Variants in FHOD3 observed in about 807,000 individuals in gnomAD.
FHOD3 encodes the protein formin homology 2 domain containing 3, also known as FH1/FH2 domain-containing protein 3.
Under a neutral mutation model 173.0 loss-of-function variants are expected in FHOD3, and 90 were observed. The observed-to-expected ratio is 0.52, with a 90% CI of 0.44 to 0.62. The LOEUF (loss-of-function observed/expected upper bound fraction) is 0.62. Ranked by LOEUF, FHOD3 falls within the 20% of genes least tolerant of loss-of-function variation. The pLI, the probability that FHOD3 is intolerant of heterozygous loss-of-function variation, is 0.00. For missense variants in FHOD3, 1,945 were observed against 2,034.7 expected (o/e 0.96, Z 0.85); for synonymous variants, 828 against 823.0 (o/e 1.01, Z -0.10).
chr18:36,468,169 G>T (rs1403545847), intron 3 of FHOD3, among the ~76,000 whole-genome samples: 1 of 152,196 alleles, frequency 6.6e-6, no homozygotes, highest in African/African-American at 2.4e-5. Flanking sequence ...TGGCAGCCAG[G>T]TGCATCCCCA....
At chr18:36,639,964 G>T (rs144915642) in intron 10 of FHOD3, among the ~76,000 whole-genome samples, 18 of 152,156 alleles carry the variant, frequency 1.2e-4, no homozygotes, top group African/African-American at 3.6e-4. Context: ...GTTGATGTTT[G>T]TACTCTGCAG....
intron 17 of FHOD3, among the ~76,000 whole-genome samples, chr18:36,703,245 C>T (rs774175827): frequency 5.3e-5 from 8 of 152,176 alleles, no homozygotes; most frequent in Non-Finnish European, 8.8e-5. Context: ...TAAGGCCCTA[C>T]GTGAAGGAAG....
chr18:36,704,885 T>C (rs1158228448), intron 17 of FHOD3, among the ~76,000 whole-genome samples: 1 of 152,248 alleles, frequency 6.6e-6, no homozygotes, highest in Non-Finnish European at 1.5e-5. Flanking sequence ...AACCTCCTGC[T>C]GTTCAGAGTC....
chr18:36,452,149 T>C (rs1427927679), intron 3 of FHOD3, among the ~76,000 whole-genome samples: 2 of 152,098 alleles, frequency 1.3e-5, no homozygotes, highest in Admixed American at 1.3e-4. Context: ...TGAGGGTGCG[T>C]CTTGGCATTT....
At chr18:36,363,597 A>T (rs188588194) in intron 2 of FHOD3, among the ~76,000 whole-genome samples, 2 of 152,288 alleles carry the variant, frequency 1.3e-5, no homozygotes, top group East Asian at 3.9e-4. Flanking sequence ...GCAAAAAGCT[A>T]TGGAGACAGT....
chr18:36,668,045 A>G (rs2037297765), intron 14 of FHOD3, among the ~76,000 whole-genome samples: 1 of 151,944 alleles, frequency 6.6e-6, no homozygotes, highest in Non-Finnish European at 1.5e-5. Context: ...GGGGAAACAT[A>G]CTCCTTCCTC....
intron 3 of FHOD3, among the ~76,000 whole-genome samples, chr18:36,381,003 T>C (rs999621639): frequency 2.6e-5 from 4 of 152,156 alleles, no homozygotes; most frequent in African/African-American, 9.6e-5. Flanking sequence ...CTGGAGTCTT[T>C]CGATTCCCTG....
intron 3 of FHOD3, among the ~76,000 whole-genome samples, chr18:36,439,483 T>A (rs2051002234): frequency 6.6e-6 from 1 of 152,042 alleles, no homozygotes; most frequent in African/African-American, 2.4e-5. Context: ...CATGTGACTG[T>A]ATTAGTCAGG....
chr18:36,390,120 G>T (rs560434999), intron 3 of FHOD3, among the ~76,000 whole-genome samples: 1 of 152,124 alleles, frequency 6.6e-6, no homozygotes, highest in Non-Finnish European at 1.5e-5. Context: ...ACTGGGCTCC[G>T]GCATTGAGGC....
chr18:36,409,340 G>A (rs572102395), intron 3 of FHOD3, among the ~76,000 whole-genome samples: 4 of 152,260 alleles, frequency 2.6e-5, no homozygotes, highest in East Asian at 3.9e-4. Context: ...TCGAGGCAGC[G>A]GAAGCTCTTC....
chr18:36,712,657 C>T (rs1480203005), intron 18 of FHOD3, among the ~76,000 whole-genome samples: 3 of 152,022 alleles, frequency 2.0e-5, no homozygotes, highest in Admixed American at 6.6e-5. Context: ...GCCAATTCAT[C>T]GGAATCTGGG....
chr18:36,592,834 T>G (rs977196027), intron 6 of FHOD3, among the ~76,000 whole-genome samples: 1 of 152,158 alleles, frequency 6.6e-6, no homozygotes, highest in African/African-American at 2.4e-5. Context: ...AGTTCTGTTT[T>G]GGCCACAGTG....
chr18:36,649,346 C>G lies in FHOD3; in HGVS notation c.1227C>G (p.Ile409Met). The change falls in exon 11 of 29, where the codon ATC (isoleucine) becomes ATG (methionine). Residue 409 changes from isoleucine (I) to methionine (M), a missense_variant. By Grantham distance (10) the Ile-to-Met change is conservative. Around this residue, in one of 5 missense-constraint regions of FHOD3, gnomAD observed 1,099 missense variants for 1,051.2 expected, o/e 1.05. Coordinates refer to ENST00000590592, the MANE Select transcript of FHOD3 (RefSeq NM_001281740.3). ...AGGAGGAGGAAGAGGAGCAGCCAAT[C>G]ACGGAGCCCAGTTCCGAAGAAGAGA... ...KEEEEEEEQP[I>M]TEPSSEEERE... 6.5e-7 allele frequency: 1 copy of G among 1,535,874 alleles called. No homozygotes were observed. Among genetic ancestry groups the G allele is most frequent in the East Asian group, 2.4e-5 (1 of 40,914 alleles).
intron 18 of FHOD3, among the ~76,000 whole-genome samples, chr18:36,713,189 A>G (rs2040265443): frequency 6.6e-6 from 1 of 152,222 alleles, no homozygotes; most frequent in Admixed American, 6.5e-5. Context: ...GGACAACAGA[A>G]TGGGTGAAAG....
rs566012310 is a variant in FHOD3, at chr18:36,331,040, C to T, written c.166-24499C>T. On this transcript the variant is annotated intron_variant, in intron 1 of 28. Transcript: ENST00000590592. Reference sequence around the variant, plus strand: ...TCTGATGATAGCCAGATCCCACCTGCTTCTGGGCGCAAATCTCTTTGTAAT... The same window carrying T: ...TCTGATGATAGCCAGATCCCACCTGTTTCTGGGCGCAAATCTCTTTGTAAT... 6.6e-5 allele frequency among the ~76,000 whole-genome samples: 10 copies of T among 152,208 alleles called. 1 individual carries two copies. The South Asian group carries it at 2.1e-3, about 32-fold the overall frequency.
chr18:36,596,561 A>C (rs1210256280), intron 7 of FHOD3, among the ~76,000 whole-genome samples: 1 of 151,944 alleles, frequency 6.6e-6, no homozygotes, highest in Non-Finnish European at 1.5e-5. Context: ...AGCTTGAGTT[A>C]TTTTAGAAGT....
At chr18:36,631,630 A>G (rs1210864172) in intron 10 of FHOD3, among the ~76,000 whole-genome samples, 2 of 152,214 alleles carry the variant, frequency 1.3e-5, no homozygotes, top group African/African-American at 4.8e-5. Flanking sequence ...AGGTACTGTA[A>G]TTAATGCTGT....
intron 14 of FHOD3, among the ~76,000 whole-genome samples, chr18:36,663,374 C>A (rs2036941386): frequency 6.6e-6 from 1 of 152,214 alleles, no homozygotes; most frequent in Non-Finnish European, 1.5e-5. Flanking sequence ...CCTCTTCCTG[C>A]TGTCAGCCTT....
chr18:36,378,002 T>G (rs901581003), intron 3 of FHOD3, among the ~76,000 whole-genome samples: 5 of 152,218 alleles, frequency 3.3e-5, no homozygotes, highest in African/African-American at 1.2e-4. Context: ...GACATCATGG[T>G]GGCTAAGCTC....
Sources: allele counts gnomAD v4.1 joint callset (sites outside exome capture counted in the v4.1 genomes callset), GRCh38; gene constraint gnomAD v4.1.1; regional missense constraint gnomAD v4.1.1; transcripts MANE v1.5; gene names NCBI Gene and HGNC (gene_info 2026-07-23, HGNC 2026-07-21).